PAK1: variants seen among roughly 807,000 people sequenced by gnomAD.
The protein encoded by PAK1 is p21 (RAC1) activated kinase 1.
PAK1 carries 29 observed loss-of-function variants against 67.4 expected under a neutral mutation model. The ratio of observed to expected loss-of-function variants is 0.43; its 90% CI spans 0.32 to 0.59. The LOEUF is 0.59. Among genes scored for constraint, PAK1 ranks in the 20% least tolerant of loss-of-function variants. PAK1 has a pLI of 0.07. For missense variants in PAK1, 337 were observed against 670.7 expected (o/e 0.50, Z 5.50); for synonymous variants, 223 against 237.4 (o/e 0.94, Z 0.56).
rs140200247 is a variant in PAK1 at position 77,379,149 on chromosome 11, C to G, written c.439+92G>C. On this transcript the variant is annotated intron_variant, in intron 4 of 14. Coordinates refer to ENST00000356341, the MANE Select transcript of PAK1 (RefSeq NM_002576.5). ...CCACTTCCACTCTTTCCACTACTTT[C>G]TTCTCTCATCCCAGACTAATAGGCA... 1.6e-4 allele frequency: 180 copies of G among 1,103,722 alleles called. 1 individual carries two copies. The East Asian group carries it at 3.8e-3, about 23-fold the overall frequency. The allele number at this position is 1,103,722 out of a possible 1,614,324, so 68.4% of individuals were successfully genotyped here. A position where few individuals can be genotyped will look rare whatever the true frequency, so the allele number is the denominator to read the frequency against.
At chr11:77,361,565 AT>A (rs5792765) in intron 5 of PAK1, among the ~76,000 whole-genome samples, 2 of 151,942 alleles carry the variant, frequency 1.3e-5, no homozygotes, top group South Asian at 2.1e-4. Flanking sequence ...TAATCTATAC[AT>A]TTTTTTTCTT....
chr11:77,423,371 C>T (rs1437019355), intron 1 of PAK1, among the ~76,000 whole-genome samples: 1 of 146,918 alleles, frequency 6.8e-6, no homozygotes, highest in African/African-American at 2.5e-5. Context: ...AACCTGTCTA[C>T]TTCAAAAATG....
chr11:77,397,585 G>A (rs995883238), intron 1 of PAK1, among the ~76,000 whole-genome samples: 3 of 152,126 alleles, frequency 2.0e-5, no homozygotes, highest in Admixed American at 2.0e-4. Flanking sequence ...GTAGAAAGAC[G>A]GGAAAGAAAA....
At chr11:77,482,261 TTACTGGCGTGAGCCACCACGCCCGGCC>T in the PAK1 span, among the ~76,000 whole-genome samples, 44,200 of 151,974 alleles carry the variant, frequency 0.29, 7,226 homozygotes, top group East Asian at 0.44. Context: ...AGTGCTGGGA[TTACTGGCGTGAGCCACCACGCCCGGCC>T]TATTTTGCTT....
At chr11:77,348,818 A>G (rs921385185) in intron 9 of PAK1, among the ~76,000 whole-genome samples, 2 of 152,104 alleles carry the variant, frequency 1.3e-5, no homozygotes, top group African/African-American at 4.8e-5. Context: ...TTTGTATGCT[A>G]CAGTAAGAAA....
chr11:77,325,930 G>A (rs1176204469), intron 14 of PAK1, among the ~76,000 whole-genome samples: 1 of 152,144 alleles, frequency 6.6e-6, no homozygotes, highest in African/African-American at 2.4e-5. Context: ...GGTAAAACAT[G>A]AGACTCAGGG....
intron 1 of PAK1, among the ~76,000 whole-genome samples, chr11:77,444,061 T>A (rs781651701): frequency 6.6e-6 from 1 of 152,164 alleles, no homozygotes; most frequent in Non-Finnish European, 1.5e-5. Flanking sequence ...TCCAGTGACT[T>A]ACCCATGGTT....
In PAK1 at chr11:77,358,894, TCA is replaced by T. The variant is rs1388998740; in HGVS notation, c.597+2_597+3del. On this transcript the variant is annotated splice_donor_variant and splice_donor_region_variant and intron_variant, in intron 6 of 14. Transcript: ENST00000356341. LOFTEE classifies it high-confidence loss of function. ...CAAAACTGGCCAGGTCCCCAAAGAC[TCA>T]CAGATTTTGTGTGCTCTGGGCGTGG... is the stretch of plus-strand genomic sequence containing the variant. 6.2e-7 allele frequency: 1 copy of T among 1,613,522 alleles called. No homozygotes were observed. The highest frequency in any genetic ancestry group is 1.1e-5 in the South Asian group (1 of 91,032).
chr11:77,392,354 C>A lies in PAK1; in HGVS notation c.167G>T (p.Arg56Leu). ...EEKKKKDRFY[R>L]SILPGDKTNK... is the part of the protein sequence containing the mutation. ...ACTTTTATCTCCAGGTAAAATGGAT[C>A]GGTAAAATCGGTCCTTCTTTTTCTT... The change falls in exon 2 of 15, where the codon CGA becomes CTA. Residue 56 changes from arginine to leucine, a missense_variant. Physicochemically the swap from Arg to Leu is moderately radical, Grantham distance 102. Coordinates refer to ENST00000356341, the MANE Select transcript of PAK1 (RefSeq NM_002576.5). The A allele has an allele frequency of 6.3e-7, 1 of 1,594,728 alleles. No individual in the cohort carries two copies. The highest frequency in any genetic ancestry group is 8.6e-7 in the Non-Finnish European group (1 of 1,167,946).
intron 11 of PAK1, 136 bp downstream of exon 11, chr11:77,340,510 G>A (rs1450817075): frequency 4.4e-6 from 3 of 680,132 alleles, no homozygotes; most frequent in African/African-American, 1.8e-5. Flanking sequence ...GTACAATACA[G>A]GAATGATAGC....
chr11:77,403,567 T>C (rs1953008209), intron 1 of PAK1, among the ~76,000 whole-genome samples: 1 of 152,200 alleles, frequency 6.6e-6, no homozygotes, highest in African/African-American at 2.4e-5. Context: ...CCCTGCCTTT[T>C]TTTCCTCTCT....
intron 1 of PAK1, among the ~76,000 whole-genome samples, chr11:77,415,918 GT>G (rs1281160535): frequency 1.3e-5 from 2 of 151,562 alleles, no homozygotes; most frequent in African/African-American, 4.9e-5. Context: ...CAAGCACATT[GT>G]ACAGCTATAC....
Position 77,458,367 on chromosome 11 carries a change from TC to T in PAK1, c.-22+15184del, listed in dbSNP as rs370450471. ...AATATTCAAGAGCTTCATCAATTTT[TC>T]CCAAGGGTCTCTTTTAATCCTTTGT... On this transcript the variant is annotated intron_variant, in intron 1 of 14. Coordinates refer to ENST00000356341, the MANE Select transcript of PAK1 (RefSeq NM_002576.5). 4.4e-4 allele frequency among the ~76,000 whole-genome samples: 67 copies of T among 152,326 alleles called. No individual in the cohort carries two copies. The East Asian group carries it at 9.1e-3, about 21-fold the overall frequency.
At chr11:77,410,959 A>T (rs1396587818) in intron 1 of PAK1, among the ~76,000 whole-genome samples, 1 of 152,120 alleles carries the variant, frequency 6.6e-6, no homozygotes, top group Non-Finnish European at 1.5e-5. Flanking sequence ...GTTTAACGCA[A>T]CTTTATACCT....
chr11:77,427,950 A>T (rs886981538), intron 1 of PAK1, among the ~76,000 whole-genome samples: 1 of 152,202 alleles, frequency 6.6e-6, no homozygotes, highest in Admixed American at 6.5e-5. Flanking sequence ...GGAGAGGATA[A>T]AGGCAAAAAG....
intron 14 of PAK1, among the ~76,000 whole-genome samples, chr11:77,331,328 A>C (rs1451822288): frequency 6.6e-6 from 1 of 152,244 alleles, no homozygotes; most frequent in East Asian, 1.9e-4. Context: ...GTAAAGACAC[A>C]TGCACACGTA....
chr11:77,349,557 C>CT (rs1944943660), intron 8 of PAK1: 4 of 413,560 alleles, frequency 9.7e-6, no homozygotes. Context: ...TATTTAACTT[C>CT]TTTGAGCTTC....
At chr11:77,388,772 G>T (rs618012) in intron 2 of PAK1, among the ~76,000 whole-genome samples, 23 of 152,146 alleles carry the variant, frequency 1.5e-4, no homozygotes, top group African/African-American at 5.5e-4. Flanking sequence ...GCCAATTTAT[G>T]GAAGAACCAA....
chr11:77,323,099 G>T lies in PAK1; in HGVS notation c.*175C>A. The T allele has an allele frequency of 1.8e-6, 2 of 1,140,474 alleles. No individual in the cohort carries two copies. Among genetic ancestry groups the T allele is most frequent in the Non-Finnish European group, 2.6e-6 (2 of 781,018 alleles). The allele number at this position is 1,140,474 out of a possible 1,614,324, so 70.6% of individuals were successfully genotyped here. On this transcript the variant is annotated 3_prime_UTR_variant, in exon 15 of 15. Transcript: ENST00000356341. The stretch of plus-strand genomic sequence containing the variant: ...CCATCATCTGATTAGTCATTCAGTT[G>T]CAGTTCTCTTCAATGCTGGACACAC...
Sources: gnomAD v4.1 joint callset for allele counts (sites outside exome capture counted in the v4.1 genomes callset) on GRCh38, gnomAD v4.1.1 for gene constraint, MANE v1.5 for transcripts, NCBI Gene and HGNC (gene_info 2026-07-23, HGNC 2026-07-21) for gene names.